Variants in OR3A2 observed in about 807,000 individuals in gnomAD.
The protein encoded by OR3A2 is olfactory receptor 3A2.
For synonymous variants in OR3A2, 126 were observed against 159.3 expected (o/e 0.79, Z 1.57); for missense variants, 318 against 392.8 (o/e 0.81, Z 1.61).
chr17:3,367,601 G>GTATATATAATATATATATATA (rs2049575498), intron 2 of OR3A2, among the ~76,000 whole-genome samples: 6 of 122,516 alleles, frequency 4.9e-5, no homozygotes, highest in African/African-American at 1.1e-4. Flanking sequence ...GTGTGTGTGT[G>GTATATATAATATATATATATA]TATATATATA....
At chr17:3,321,911 G>T (rs142303069) in intron 3 of OR3A2, among the ~76,000 whole-genome samples, 1 of 152,222 alleles carries the variant, frequency 6.6e-6, no homozygotes, top group African/African-American at 2.4e-5. Flanking sequence ...AATTAGGGTG[G>T]ATTCCCTCTT....
In OR3A2 at chr17:3,329,922, C is replaced by T. The variant is rs1479185192; in HGVS notation, c.-85+6111G>A. On this transcript the variant is annotated intron_variant, in intron 3 of 4. Coordinates refer to the OR3A2 transcript ENST00000573491. ...TTCTGGTATGTTGTGTCTTTGTTCT[C>T]GTTGGTTTCAAAGAACATCTTTATT... 2.1e-4 allele frequency among the ~76,000 whole-genome samples: 29 copies of T among 138,262 alleles called. 1 individual carries two copies. The highest frequency in any genetic ancestry group is 8.0e-4 in the African/African-American group (27 of 33,952). The allele number at this position is 138,262 out of a possible 152,430, so 90.7% of individuals were successfully genotyped here. A position where few individuals can be genotyped will look rare whatever the true frequency, so the allele number is the denominator to read the frequency against.
intron 3 of OR3A2, among the ~76,000 whole-genome samples, chr17:3,329,663 C>G (rs1395426532): frequency 1.4e-5 from 2 of 140,606 alleles, no homozygotes; most frequent in Non-Finnish European, 3.0e-5. Context: ...AAAAAACCAG[C>G]TCCTGGATTC....
chr17:3,307,775 A>C (rs755587803), intron 3 of OR3A2, among the ~76,000 whole-genome samples: 1 of 152,140 alleles, frequency 6.6e-6, no homozygotes, highest in Non-Finnish European at 1.5e-5. Flanking sequence ...TTGTGAGATG[A>C]TGGCAAGAAC....
chr17:3,376,590 T>C (rs979630864), intron 2 of OR3A2, among the ~76,000 whole-genome samples: 3 of 152,092 alleles, frequency 2.0e-5, no homozygotes, highest in Non-Finnish European at 4.4e-5. Context: ...GTGACAGGTG[T>C]CACCCAGCTT....
intron 1 of OR3A2, among the ~76,000 whole-genome samples, chr17:3,280,334 C>T (rs573205040): frequency 8.0e-4 from 121 of 151,252 alleles, no homozygotes; most frequent in Admixed American, 5.9e-4. Flanking sequence ...TGCAGTGGCG[C>T]GATCTCGGCT....
intron 3 of OR3A2, among the ~76,000 whole-genome samples, chr17:3,333,301 C>T (rs2049254335): frequency 6.6e-6 from 1 of 152,190 alleles, no homozygotes; most frequent in South Asian, 2.1e-4. Context: ...GACCAGTTCT[C>T]TGCTCTCAAA....
In OR3A2 at chr17:3,373,650, T is replaced by C. The variant is rs191700241; in HGVS notation, c.-179+10154A>G. 2.0e-5 allele frequency among the ~76,000 whole-genome samples: 3 copies of C among 152,336 alleles called. No homozygotes were observed. In the East Asian group the frequency reaches 5.8e-4, roughly 29 times the overall value. On this transcript the variant is annotated intron_variant, in intron 2 of 4. Coordinates refer to the OR3A2 transcript ENST00000573491. ...TTGGTTTCCATTTGCATGGAATATT[T>C]TTTTCCACCCCTTTACCTTAAGTTT...
At chr17:3,350,219 C>A (rs139329883) in intron 2 of OR3A2, among the ~76,000 whole-genome samples, 20,842 of 151,868 alleles carry the variant, frequency 0.14, 1,763 homozygotes, top group African/African-American at 0.24. Context: ...ACAAAAAACC[C>A]TTCAAAAAAT....
At chr17:3,362,013 C>G (rs2049521475) in intron 2 of OR3A2, among the ~76,000 whole-genome samples, 1 of 151,668 alleles carries the variant, frequency 6.6e-6, no homozygotes, top group African/African-American at 2.4e-5. Flanking sequence ...CCTTGTACCT[C>G]TGGTAGAATT....
chr17:3,295,385 G>T (rs982862789), intron 3 of OR3A2, among the ~76,000 whole-genome samples: 7 of 151,896 alleles, frequency 4.6e-5, no homozygotes, highest in Non-Finnish European at 7.4e-5. Context: ...CTTATACCAG[G>T]GAATTAGTAG....
intron 3 of OR3A2, among the ~76,000 whole-genome samples, chr17:3,318,234 T>C (rs1247884970): frequency 6.6e-6 from 1 of 152,160 alleles, no homozygotes; most frequent in Non-Finnish European, 1.5e-5. Context: ...ACTGGGAATT[T>C]CCTGACTGTC....
chr17:3,369,821 T>TTTTTTTTTCTTTTGTTTTTTTTCCCA (rs2049597437), intron 2 of OR3A2, among the ~76,000 whole-genome samples: 1 of 151,184 alleles, frequency 6.6e-6, no homozygotes, highest in African/African-American at 2.4e-5. Context: ...TTTTTTTTTT[T>TTTTTTTTTCTTTTGTTTTTTTTCCCA]GAGGCAAGCT....
At chr17:3,334,116 C>T (rs987022044) in intron 3 of OR3A2, among the ~76,000 whole-genome samples, 11 of 152,068 alleles carry the variant, frequency 7.2e-5, no homozygotes, top group South Asian at 4.1e-4. Context: ...CAGATGCTGG[C>T]GAGGTTGCAG....
At chr17:3,298,739 G>C (rs2150625170) in intron 3 of OR3A2, among the ~76,000 whole-genome samples, 1 of 152,274 alleles carries the variant, frequency 6.6e-6, no homozygotes, top group South Asian at 2.1e-4. Context: ...GGATACAGAG[G>C]CCAGCAAGGT....
At chr17:3,284,972 C>T (rs374379016), upstream of OR3A2, among the ~76,000 whole-genome samples, 8 of 152,228 alleles carry the variant, frequency 5.3e-5, no homozygotes, top group East Asian at 1.9e-4. Context: ...TCCTGTTGAG[C>T]CCTCAGTAGT....
intron 2 of OR3A2, among the ~76,000 whole-genome samples, chr17:3,375,756 G>A (rs2049678058): frequency 6.6e-6 from 1 of 152,132 alleles, no homozygotes. Context: ...GGAACTCAAG[G>A]GCTGCTCTTC....
chr17:3,297,975 G>GTTC (rs58636922), intron 3 of OR3A2, among the ~76,000 whole-genome samples: 2,129 of 152,050 alleles, frequency 0.014, 35 homozygotes, highest in African/African-American at 0.048. Flanking sequence ...TTTCTTTGTT[G>GTTC]TTCTTCTTTT....
chr17:3,305,165 AGTT>A (rs1660746057), intron 3 of OR3A2, among the ~76,000 whole-genome samples: 4 of 152,220 alleles, frequency 2.6e-5, no homozygotes, highest in African/African-American at 9.6e-5. Flanking sequence ...AACATATTGA[AGTT>A]GTGTTATGAT....
Sources: gnomAD v4.1 joint callset for allele counts (sites outside exome capture counted in the v4.1 genomes callset) on GRCh38, gnomAD v4.1.1 for gene constraint, MANE v1.5 for transcripts, NCBI Gene and HGNC (gene_info 2026-07-23, HGNC 2026-07-21) for gene names.